The following TAS2R1 variants were observed in gnomAD, a reference collection of about 807,000 sequenced individuals.
TAS2R1 encodes taste 2 receptor member 1, also known as taste receptor type 2 member 1.
For missense variants in TAS2R1, 370 were observed against 353.4 expected, an observed-to-expected ratio of 1.05 and a Z score of -0.38; for synonymous variants, 141 against 134.2, an observed-to-expected ratio of 1.05 and a Z score of -0.35.
chr5:9,818,327 G>A, the TAS2R1 span, among the ~76,000 whole-genome samples: 4 of 152,184 alleles, frequency 2.6e-5, no homozygotes, highest in South Asian at 2.1e-4. Flanking sequence ...AGATTTGGGC[G>A]ACATTATCTC....
the TAS2R1 span, chr5:9,902,865 C>A: frequency 6.6e-6 from 1 of 151,656 alleles, no homozygotes; most frequent in African/African-American, 2.4e-5. Flanking sequence ...CTCACGGTGG[C>A]TATCGGAGAA....
the TAS2R1 span, among the ~76,000 whole-genome samples, chr5:9,748,388 A>T: frequency 6.6e-6 from 1 of 152,200 alleles, no homozygotes; most frequent in African/African-American, 2.4e-5. Context: ...TTGATGCTCA[A>T]CTTTATAAAA....
chr5:9,728,776 T>C, the TAS2R1 span, among the ~76,000 whole-genome samples: 5 of 152,168 alleles, frequency 3.3e-5, no homozygotes, highest in South Asian at 1.0e-3. Flanking sequence ...TCTGGGAACA[T>C]GGGGTTTGCA....
chr5:9,755,691 A>G, the TAS2R1 span, among the ~76,000 whole-genome samples: 1 of 152,064 alleles, frequency 6.6e-6, no homozygotes, highest in Admixed American at 6.6e-5. Flanking sequence ...TTTTATAGTT[A>G]TTTCTTGATT....
chr5:9,732,576 T>C, the TAS2R1 span, among the ~76,000 whole-genome samples: 1 of 152,136 alleles, frequency 6.6e-6, no homozygotes, highest in Non-Finnish European at 1.5e-5. Flanking sequence ...CTGGCTTCCA[T>C]AGCAGGGTGG....
upstream of TAS2R1, among the ~76,000 whole-genome samples, chr5:9,631,734 CTTA>C (rs1739877039): frequency 1.3e-5 from 2 of 152,180 alleles, 1 homozygote; most frequent in South Asian, 4.1e-4. Flanking sequence ...TAAGATTAAT[CTTA>C]TTTTTAGAAA....
intron 2 of TAS2R1, among the ~76,000 whole-genome samples, chr5:9,646,003 A>G (rs1740179549): frequency 6.6e-6 from 1 of 152,126 alleles, no homozygotes; most frequent in African/African-American, 2.4e-5. Context: ...ACTATTATAG[A>G]AAGGTAATGA....
the TAS2R1 span, among the ~76,000 whole-genome samples, chr5:9,730,149 C>T: frequency 2.0e-5 from 3 of 152,060 alleles, no homozygotes; most frequent in African/African-American, 2.4e-5. Flanking sequence ...ATTAATTTTA[C>T]GAAAGATATA....
chr5:9,795,805 T>G, the TAS2R1 span, among the ~76,000 whole-genome samples: 2 of 152,174 alleles, frequency 1.3e-5, no homozygotes, highest in Non-Finnish European at 2.9e-5. Context: ...GAGCAGCCCT[T>G]GAATTTGTCT....
the TAS2R1 span, among the ~76,000 whole-genome samples, chr5:9,830,452 GAC>G: frequency 6.6e-6 from 1 of 152,020 alleles, no homozygotes; most frequent in Non-Finnish European, 1.5e-5. Context: ...ATAGATGACA[GAC>G]ACAAAAATAG....
At chr5:9,810,437 A>T in the TAS2R1 span, among the ~76,000 whole-genome samples, 6 of 152,288 alleles carry the variant, frequency 3.9e-5, no homozygotes, top group South Asian at 1.0e-3. Context: ...ATTAAAGATA[A>T]ATTCTTCTCC....
At chr5:9,653,468 ATAAACATGGGTGTAC>A (rs143532368) in intron 2 of TAS2R1, among the ~76,000 whole-genome samples, 15,992 of 152,278 alleles carry the variant, frequency 0.11, 1,137 homozygotes, top group Non-Finnish European at 0.16. Flanking sequence ...TAAAGCTGCT[ATAAACATGGGTGTAC>A]AAATAACTGT....
At chr5:9,868,863 C>A in the TAS2R1 span, among the ~76,000 whole-genome samples, 2 of 152,182 alleles carry the variant, frequency 1.3e-5, no homozygotes, top group Non-Finnish European at 2.9e-5. Flanking sequence ...AGGGCAGGGG[C>A]AAAATGCCAC....
intron 2 of TAS2R1, among the ~76,000 whole-genome samples, chr5:9,636,933 T>C (rs1266901823): frequency 6.6e-6 from 1 of 152,150 alleles, no homozygotes; most frequent in African/African-American, 2.4e-5. Context: ...ATGATAGTAT[T>C]GAGATGTGAG....
chr5:9,754,101 A>G, the TAS2R1 span, among the ~76,000 whole-genome samples: 10 of 152,356 alleles, frequency 6.6e-5, no homozygotes, highest in African/African-American at 2.4e-4. Context: ...GGCTGGTTCA[A>G]TATATGCAAA....
the TAS2R1 span, among the ~76,000 whole-genome samples, chr5:9,802,553 G>T: frequency 6.6e-6 from 1 of 152,116 alleles, no homozygotes; most frequent in East Asian, 1.9e-4. Flanking sequence ...TAGGTCCAAA[G>T]ATCTATGGAT....
In TAS2R1 at chr5:9,627,729, C is replaced by T. The variant is rs1739781894; in HGVS notation, c.*1404G>A. 6.6e-6 allele frequency among the ~76,000 whole-genome samples: 1 copy of T among 152,196 alleles called. No individual in the cohort carries two copies. The highest frequency in any genetic ancestry group is 2.4e-5 in the African/African-American group (1 of 41,446). ...CCTGAGTGCGTGATTAGCTACAAAC[C>T]TTCCTACCTAGTGGGACGTGGGAAA... is the stretch of plus-strand genomic sequence containing the variant. On this transcript the variant is annotated 3_prime_UTR_variant, in exon 1 of 1. Transcript: ENST00000382492.
chr5:9,874,258 G>C, the TAS2R1 span, among the ~76,000 whole-genome samples: 2 of 152,138 alleles, frequency 1.3e-5, no homozygotes, highest in Admixed American at 1.3e-4. Context: ...GCTCTCGCTT[G>C]AGATTATTTC....
chr5:9,657,305 A>G (rs1241867726), intron 2 of TAS2R1, among the ~76,000 whole-genome samples: 1 of 152,212 alleles, frequency 6.6e-6, no homozygotes, highest in African/African-American at 2.4e-5. Context: ...TGAAAGCTTG[A>G]CTTACATAGG....
Sources: gnomAD v4.1 joint callset for allele counts (sites outside exome capture counted in the v4.1 genomes callset) on GRCh38, gnomAD v4.1.1 for gene constraint, MANE v1.5 for transcripts, NCBI Gene and HGNC (gene_info 2026-07-23, HGNC 2026-07-21) for gene names.